COL24A1: variants seen among roughly 807,000 people sequenced by gnomAD.
COL24A1 encodes the protein collagen type XXIV alpha 1 chain.
In COL24A1, 224 loss-of-function variants were observed where a neutral mutation model predicts 253.9. The observed-to-expected ratio is 0.88, with a 90% CI of 0.79 to 0.99. COL24A1 has a LOEUF of 0.99. Among genes scored for constraint, COL24A1 ranks in the 50% least tolerant of loss-of-function variants. The probability of loss-of-function intolerance (pLI) is 0.00; values close to 1 mark genes in which losing one functional copy is unlikely to be tolerated. For synonymous variants in COL24A1, 685 were observed against 673.7 expected (o/e 1.02, Z -0.26); for missense variants, 2,131 against 2,068.5 (o/e 1.03, Z -0.59).
chr1:85,830,597 G>C (rs966393551), intron 43 of COL24A1, among the ~76,000 whole-genome samples: 2 of 152,138 alleles, frequency 1.3e-5, no homozygotes, highest in African/African-American at 4.8e-5. Context: ...AGGACCCTCT[G>C]AGCCATGTGC....
intron 9 of COL24A1, among the ~76,000 whole-genome samples, chr1:86,058,182 A>G (rs1177437417): frequency 6.6e-6 from 1 of 152,056 alleles, no homozygotes; most frequent in East Asian, 1.9e-4. Flanking sequence ...TACACAATAT[A>G]TTTTAGATAT....
rs923363027 is a variant in COL24A1 at position 86,124,085 on chromosome 1, G to C, written c.1491+760C>G. On this transcript the variant is annotated intron_variant, in intron 3 of 59. Coordinates refer to ENST00000370571, the MANE Select transcript of COL24A1 (RefSeq NM_152890.7). ...ACACTGTGATTTTAAATGACTTTAA[G>C]TGGTTTTTAAATGATTTTAGAAATT... 5.9e-5 allele frequency among the ~76,000 whole-genome samples: 9 copies of C among 151,926 alleles called. No homozygotes were observed. In the South Asian group the frequency reaches 8.3e-4, roughly 14 times the overall value.
chr1:86,008,396 CA>C (rs1401527127), intron 19 of COL24A1, among the ~76,000 whole-genome samples: 13 of 152,018 alleles, frequency 8.6e-5, no homozygotes, highest in African/African-American at 3.1e-4. Flanking sequence ...AAATGCACAC[CA>C]CCATGCCAGG....
Position 86,049,345 on chromosome 1 carries a change from T to G in COL24A1, c.1905+779A>C, listed in dbSNP as rs538764788. ...CACTGAAAACTATTTATTTGAAAAA[T>G]TCATTTAGCAATGAATCTGGTTCAC... On this transcript the variant is annotated intron_variant, in intron 11 of 59. Transcript: ENST00000370571. Among the ~76,000 whole-genome samples the G allele has an allele frequency of 1.5e-4, 23 of 152,260 alleles. No individual in the cohort carries two copies. In the South Asian group the frequency reaches 3.7e-3, roughly 25 times the overall value.
intron 20 of COL24A1, among the ~76,000 whole-genome samples, chr1:85,975,404 T>C (rs1692570581): frequency 2.0e-5 from 3 of 152,198 alleles, no homozygotes; most frequent in Admixed American, 2.0e-4. Flanking sequence ...AAATGTAGTA[T>C]ATTATACACA....
At chr1:85,829,509 G>A (rs1674885159) in intron 43 of COL24A1, among the ~76,000 whole-genome samples, 1 of 151,440 alleles carries the variant, frequency 6.6e-6, no homozygotes, top group African/African-American at 2.4e-5. Context: ...ATAATATCCT[G>A]CAGAGTGTTT....
At chr1:85,933,854 A>T (rs1283680781) in intron 24 of COL24A1, among the ~76,000 whole-genome samples, 1 of 152,216 alleles carries the variant, frequency 6.6e-6, no homozygotes. Context: ...ATTTTAAAAC[A>T]AATGTTGAAA....
chr1:86,124,826 T>TAAAAA lies in COL24A1; in HGVS notation c.1491+14_1491+18dup. 7.7e-7 allele frequency: 1 copy of TAAAAA among 1,300,076 alleles called. No individual in the cohort carries two copies. Among genetic ancestry groups the TAAAAA allele is most frequent in the Non-Finnish European group, 1.0e-6 (1 of 972,020 alleles). The allele number at this position is 1,300,076 out of a possible 1,614,324, so 80.5% of individuals were successfully genotyped here. On this transcript the variant is annotated intron_variant, in intron 3 of 59. Coordinates refer to ENST00000370571, the MANE Select transcript of COL24A1 (RefSeq NM_152890.7). The stretch of plus-strand genomic sequence containing the variant: ...TGTAAGTTAGCATATTAGGAGATAT[T>TAAAAA]AAAAAAAAAAAAACTTACGGGAGGT...
intron 5 of COL24A1, among the ~76,000 whole-genome samples, chr1:86,111,041 G>T (rs1705531491): frequency 6.6e-6 from 1 of 152,216 alleles, no homozygotes; most frequent in Non-Finnish European, 1.5e-5. Flanking sequence ...AGAACTTTAT[G>T]TCTAGCTGAA....
intron 47 of COL24A1, among the ~76,000 whole-genome samples, chr1:85,804,819 G>A (rs1671797878): frequency 1.3e-5 from 2 of 151,950 alleles, no homozygotes; most frequent in Admixed American, 6.6e-5. Context: ...CATATCAACA[G>A]GGCAAAGGAA....
intron 59 of COL24A1, 22 bp from the exon 60 acceptor site, chr1:85,730,714 C>T: frequency 6.2e-7 from 1 of 1,612,436 alleles, no homozygotes; most frequent in Middle Eastern, 1.7e-4. Context: ...GAACAAAATG[C>T]TTTCATACGC....
intron 22 of COL24A1, 94 bp downstream of exon 22, chr1:85,970,133 T>A: frequency 8.6e-7 from 1 of 1,160,020 alleles, no homozygotes. Context: ...TTTTGTCCTT[T>A]ACTATAATGT....
intron 47 of COL24A1, among the ~76,000 whole-genome samples, chr1:85,798,736 A>G (rs1671088597): frequency 6.6e-6 from 1 of 152,194 alleles, no homozygotes; most frequent in Non-Finnish European, 1.5e-5. Flanking sequence ...CTTTAAGACA[A>G]GAAACTCATT....
chr1:85,897,522 A>C (rs1320252902), intron 28 of COL24A1, among the ~76,000 whole-genome samples: 4 of 152,206 alleles, frequency 2.6e-5, no homozygotes, highest in African/African-American at 9.6e-5. Flanking sequence ...GTCAGGAATT[A>C]CTGGGAGATG....
chr1:85,944,409 T>C (rs1411752353), intron 24 of COL24A1, among the ~76,000 whole-genome samples: 1 of 152,212 alleles, frequency 6.6e-6, no homozygotes, highest in African/African-American at 2.4e-5. Flanking sequence ...AAGTGTTCTG[T>C]TGTGTTTTTT....
intron 3 of COL24A1, among the ~76,000 whole-genome samples, chr1:86,119,009 C>G (rs1436799296): frequency 6.6e-6 from 1 of 152,112 alleles, no homozygotes; most frequent in African/African-American, 2.4e-5. Context: ...GTGCTATAAC[C>G]TTCTTCCACT....
chr1:85,833,997 A>G (rs1002536371), intron 43 of COL24A1, among the ~76,000 whole-genome samples: 1 of 151,168 alleles, frequency 6.6e-6, no homozygotes, highest in Non-Finnish European at 1.5e-5. Context: ...GGATAGCATT[A>G]GGAGCTATAC....
At chr1:85,865,548 A>ATC (rs1221121923) in intron 37 of COL24A1, among the ~76,000 whole-genome samples, 1 of 152,022 alleles carries the variant, frequency 6.6e-6, no homozygotes, top group Non-Finnish European at 1.5e-5. Flanking sequence ...TCCCATTTCC[A>ATC]TCTCTGCTCT....
chr1:85,741,600 T>TAC lies in COL24A1; in HGVS notation c.4672+3064_4672+3065dup, dbSNP rs1258453620. Among the ~76,000 whole-genome samples, 7 of 152,298 alleles carry TAC rather than the reference T, an allele frequency of 4.6e-5. No homozygotes were observed. In the East Asian group the frequency reaches 1.3e-3, roughly 29 times the overall value. On this transcript the variant is annotated intron_variant, in intron 57 of 59. Transcript: ENST00000370571. ...GCCACAGATTCTAACTTTTGACCCC[T>TAC]ACCTCCTGAAGCCACCAAGCTTCTC...
Sources: gnomAD v4.1 joint callset for allele counts (sites outside exome capture counted in the v4.1 genomes callset) on GRCh38, gnomAD v4.1.1 for gene constraint, MANE v1.5 for transcripts, NCBI Gene and HGNC (gene_info 2026-07-23, HGNC 2026-07-21) for gene names.